Variants in MYBPHL observed in about 807,000 individuals in gnomAD.
MYBPHL encodes myosin-binding protein H-like.
Under a neutral mutation model 39.5 loss-of-function variants are expected in MYBPHL, and 32 were observed. The observed-to-expected ratio is 0.81, with a 90% CI of 0.61 to 1.09. MYBPHL has a LOEUF of 1.09. MYBPHL is among the 50% of genes least tolerant of loss of function. The pLI, the probability that MYBPHL is intolerant of heterozygous loss-of-function variation, is 0.00. For synonymous variants in MYBPHL, 196 were observed against 183.7 expected (o/e 1.07, Z -0.54); for missense variants, 456 against 460.2 (o/e 0.99, Z 0.08).
intron 1 of MYBPHL, among the ~76,000 whole-genome samples, chr1:109,305,888 TG>T (rs1342585813): frequency 6.6e-6 from 1 of 152,232 alleles, no homozygotes; most frequent in African/African-American, 2.4e-5. Flanking sequence ...CAAGGCACCC[TG>T]GATCATCTCA....
intron 1 of MYBPHL, among the ~76,000 whole-genome samples, chr1:109,306,225 T>G (rs1658463245): frequency 6.6e-6 from 1 of 152,138 alleles, no homozygotes; most frequent in Non-Finnish European, 1.5e-5. Flanking sequence ...AATTCCTCAC[T>G]TGGGAACGCC....
At chr1:109,301,749 A>G (rs78340013) in intron 1 of MYBPHL, among the ~76,000 whole-genome samples, 1 of 51,916 alleles carries the variant, frequency 1.9e-5, no homozygotes, top group Admixed American at 2.8e-4. Flanking sequence ...CTCAAAAAGA[A>G]AAAAAAAAAA....
chr1:109,301,597 C>A (rs1375411192), intron 1 of MYBPHL, among the ~76,000 whole-genome samples: 1 of 152,000 alleles, frequency 6.6e-6, no homozygotes, highest in Admixed American at 6.6e-5. Context: ...AAAAATTAGC[C>A]AGGTGTGGTG....
chr1:109,306,993 C>T lies in MYBPHL; in HGVS notation c.-2G>A. On this transcript the variant is annotated 5_prime_UTR_variant, in exon 1 of 9. Coordinates refer to ENST00000357155, the MANE Select transcript of MYBPHL (RefSeq NM_001010985.3). ...CTCCGGAGCTGTGGCTGCCTCCATGCTGGGCCTTCCCAGAGGCTGAGCTCC... is the reference window on the plus strand; with the variant it reads ...CTCCGGAGCTGTGGCTGCCTCCATGTTGGGCCTTCCCAGAGGCTGAGCTCC... 6.2e-7 allele frequency: 1 copy of T among 1,609,434 alleles called. No individual in the cohort carries two copies. Among genetic ancestry groups the T allele is most frequent in the Non-Finnish European group, 8.5e-7 (1 of 1,178,004 alleles).
At chr1:109,304,754 T>C (rs1658407752) in intron 1 of MYBPHL, among the ~76,000 whole-genome samples, 2 of 152,208 alleles carry the variant, frequency 1.3e-5, no homozygotes, top group Admixed American at 6.5e-5. Flanking sequence ...CAGTACTCAG[T>C]GTAGTGCTGA....
At chr1:109,303,712 A>G (rs1418219769) in intron 1 of MYBPHL, among the ~76,000 whole-genome samples, 1 of 151,992 alleles carries the variant, frequency 6.6e-6, no homozygotes, top group Non-Finnish European at 1.5e-5. Flanking sequence ...GGCCAGCTGG[A>G]AAAATCCTTA....
Position 109,296,340 on chromosome 1 carries a change from T to C in MYBPHL, c.761A>G (p.Gln254Arg), listed in dbSNP as rs1658062395. The C allele has an allele frequency of 1.9e-6, 3 of 1,614,130 alleles. No individual in the cohort carries two copies. Among genetic ancestry groups the C allele is most frequent in the South Asian group, 1.1e-5 (1 of 91,072 alleles). Residue 254 changes from glutamine to arginine, a missense_variant, in exon 6 of 9, where the codon CAA (glutamine) becomes CGA (arginine). By Grantham distance (43) the Gln-to-Arg change is conservative. Transcript: ENST00000357155. ...ATVYKTKGFA[Q>R]RDFSEAPKFT... ...CTTTGGGGCTTCAGAGAAGTCTCGT[T>C]GGGCAAACCCCTTGGTCTTGTAAAC... is the stretch of plus-strand genomic sequence containing the variant.
At chr1:109,303,149 C>T (rs1658351069) in intron 1 of MYBPHL, among the ~76,000 whole-genome samples, 2 of 152,204 alleles carry the variant, frequency 1.3e-5, no homozygotes, top group South Asian at 4.1e-4. Flanking sequence ...GTTTCATTCA[C>T]TAGTATACCT....
At chr1:109,301,628 C>A (rs1658282363) in intron 1 of MYBPHL, among the ~76,000 whole-genome samples, 1 of 151,950 alleles carries the variant, frequency 6.6e-6, no homozygotes, top group Non-Finnish European at 1.5e-5. Flanking sequence ...GTAATCCCAG[C>A]TACTTGGGAG....
At chr1:109,298,351 C>T (rs375238241) in intron 1 of MYBPHL, 94 bp from the exon 2 acceptor site, 106 of 1,104,566 alleles carry the variant, frequency 9.6e-5, no homozygotes, top group Non-Finnish European at 1.3e-4. Flanking sequence ...GCCCAGGAAT[C>T]GGTCACCAAA....
In MYBPHL at chr1:109,297,633, A is replaced by G. The variant is rs766975791; in HGVS notation, c.235-16T>C. ...TGGGCTTGCCCTGAGGAATGAGGGT[A>G]ATGCTTTGAGCAGCCCCGAGAGGCT... On this transcript the variant is annotated splice_polypyrimidine_tract_variant and intron_variant, in intron 2 of 8. Coordinates refer to ENST00000357155, the MANE Select transcript of MYBPHL (RefSeq NM_001010985.3). 2 of 1,609,298 alleles carry G rather than the reference A, an allele frequency of 1.2e-6. No homozygotes were observed. The highest frequency in any genetic ancestry group is 1.7e-5 in the Admixed American group (1 of 59,806).
Position 109,297,428 on chromosome 1 carries a change from C to T in MYBPHL, c.424G>A (p.Val142Met). 1 of 1,612,006 alleles carries T rather than the reference C, an allele frequency of 6.2e-7. No individual in the cohort carries two copies. The highest frequency in any genetic ancestry group is 2.0e-4 in the Middle Eastern group (1 of 4,998). Residue 142 changes from valine to methionine, a missense_variant, in exon 3 of 9, where the codon GTG (valine) becomes ATG (methionine). Val to Met is a conservative substitution (Grantham distance 21, BLOSUM62 1). Transcript: ENST00000357155. ...CCCACTTCCCCCACCGTACCAATCA[C>T]CAGGATGTCAATGGTGGCGGTGGCC... The part of the protein sequence containing the change: ...LEATATIDIL[V>M]IERPGPPQSI...
intron 8 of MYBPHL, among the ~76,000 whole-genome samples, chr1:109,293,481 C>T (rs1303771919): frequency 6.6e-6 from 1 of 152,128 alleles, no homozygotes; most frequent in South Asian, 2.1e-4. Flanking sequence ...CAGTGGCTCA[C>T]GCCTGTAATC....
At chr1:109,298,377 A>T (rs1658164299) in intron 1 of MYBPHL, 120 bp from the exon 2 acceptor site, 1 of 818,596 alleles carries the variant, frequency 1.2e-6, no homozygotes, top group Non-Finnish European at 2.0e-6. Flanking sequence ...CCCTTCTTAG[A>T]GGGGAGGGGA....
At chr1:109,296,062 G>A (rs768081807) in intron 6 of MYBPHL, among the ~76,000 whole-genome samples, 172 bp downstream of exon 6, 7 of 152,154 alleles carry the variant, frequency 4.6e-5, no homozygotes, top group Non-Finnish European at 7.4e-5. Flanking sequence ...TCATCAGTCC[G>A]TCTTGGACTC....
chr1:109,296,804 G>A lies in MYBPHL; in HGVS notation c.709C>T (p.Leu237Phe), dbSNP rs745760901. Residue 237 changes from leucine to phenylalanine, a missense_variant, in exon 5 of 9, where the codon CTC becomes TTC. Physicochemically the swap from Leu to Phe is conservative, Grantham distance 22 (BLOSUM62 0). Coordinates refer to ENST00000357155, the MANE Select transcript of MYBPHL (RefSeq NM_001010985.3). ...LSETAPITTD[L>F]AHIQKAATVY... ...TTACCTGCTTTCTGGATGTGGGCGA[G>A]GTCCGTAGTGATGGGGGCTGTTTCA... 6 of 1,614,072 alleles carry A rather than the reference G, an allele frequency of 3.7e-6. No homozygotes were observed. Among genetic ancestry groups the A allele is most frequent in the East Asian group, 4.5e-5 (2 of 44,868 alleles).
At chr1:109,302,120 C>T (rs917330178) in intron 1 of MYBPHL, among the ~76,000 whole-genome samples, 8 of 151,174 alleles carry the variant, frequency 5.3e-5, no homozygotes, top group African/African-American at 1.7e-4. Context: ...GGTGTGTTTA[C>T]GTGTGTCTGT....
At position 109,296,090 on chromosome 1, in the gene MYBPHL, G is replaced by A. The variant is rs527347421; in HGVS notation, c.867+144C>T. On this transcript the variant is annotated intron_variant, in intron 6 of 8. Coordinates refer to ENST00000357155, the MANE Select transcript of MYBPHL (RefSeq NM_001010985.3). ...TTGGACTCCAAGCACCCCCCCGACT[G>A]TTCCTAAATACCGTGCTGTAGAAGA... 3.7e-5 allele frequency: 37 copies of A among 1,002,334 alleles called. No homozygotes were observed. The African/African-American group carries it at 4.8e-4, about 13-fold the overall frequency. The allele number at this position is 1,002,334 out of a possible 1,614,324, so 62.1% of individuals were successfully genotyped here. A position where few individuals can be genotyped will look rare whatever the true frequency, so the allele number is the denominator to read the frequency against.
At position 109,297,108 on chromosome 1, in the gene MYBPHL, T is replaced by C; in HGVS notation, c.512A>G (p.Asp171Gly). 1 of 1,614,106 alleles carries C rather than the reference T, an allele frequency of 6.2e-7. No homozygotes were observed. The highest frequency in any genetic ancestry group is 8.5e-7 in the Non-Finnish European group (1 of 1,180,020). Residue 171 changes from aspartate to glycine, a missense_variant, in exon 4 of 9, where the codon GAT becomes GGT. Asp to Gly is a moderately conservative substitution (Grantham distance 94). Transcript: ENST00000357155. Reference protein sequence around the residue: ...SATLEWTPPQDTGNTALLGYT... With the variant: ...SATLEWTPPQGTGNTALLGYT... ...TCCCAGAAGTGCTGTATTCCCCGTA[T>C]CTTGGGGCGGTGTCCATTCCAGTGT...
Sources: gnomAD v4.1 joint callset for allele counts (sites outside exome capture counted in the v4.1 genomes callset) on GRCh38, gnomAD v4.1.1 for gene constraint, MANE v1.5 for transcripts, NCBI Gene and HGNC (gene_info 2026-07-23, HGNC 2026-07-21) for gene names.